The following ASIC5 variants were observed in gnomAD, a reference collection of about 807,000 sequenced individuals.
ASIC5 encodes the protein bile acid-sensitive ion channel.
In ASIC5, 52 loss-of-function variants were observed where a neutral mutation model predicts 51.2. The ratio of observed to expected loss-of-function variants is 1.02; its 90% CI spans 0.81 to 1.28. The LOEUF is 1.28. Ranked by LOEUF, ASIC5 falls within the 50% of genes most tolerant of loss-of-function variation. ASIC5 has a pLI of 0.00. For missense variants in ASIC5, 635 were observed against 595.0 expected (o/e 1.07, Z -0.70); for synonymous variants, 231 against 200.7 (o/e 1.15, Z -1.28).
intron 4 of ASIC5, among the ~76,000 whole-genome samples, chr4:155,847,304 T>C (rs915152049): frequency 3.9e-5 from 6 of 152,132 alleles, no homozygotes; most frequent in African/African-American, 9.6e-5. Context: ...AAAGTCCTTG[T>C]GACATTAAGT....
At chr4:155,848,752 G>A (rs1374294204) in intron 4 of ASIC5, among the ~76,000 whole-genome samples, 1 of 152,038 alleles carries the variant, frequency 6.6e-6, no homozygotes, top group African/African-American at 2.4e-5. Flanking sequence ...CAGAAAAGAG[G>A]AAAAACTTTC....
intron 2 of ASIC5, among the ~76,000 whole-genome samples, chr4:155,863,035 T>C (rs1741753960): frequency 6.6e-6 from 1 of 152,150 alleles, no homozygotes; most frequent in African/African-American, 2.4e-5. Flanking sequence ...GAACTTCTAA[T>C]ATGCAGGGAT....
At chr4:155,856,812 A>C (rs1162028342) in intron 2 of ASIC5, among the ~76,000 whole-genome samples, 1 of 152,056 alleles carries the variant, frequency 6.6e-6, no homozygotes, top group Non-Finnish European at 1.5e-5. Context: ...GAAATCCTGC[A>C]CAGTCAGAGC....
At chr4:155,840,558 A>C (rs1381493885) in intron 6 of ASIC5, among the ~76,000 whole-genome samples, 1 of 150,916 alleles carries the variant, frequency 6.6e-6, no homozygotes, top group African/African-American at 2.4e-5. Flanking sequence ...AACTGACTCC[A>C]TCTTGTTTCT....
chr4:155,861,632 G>A (rs1219535804), intron 2 of ASIC5, among the ~76,000 whole-genome samples: 1 of 151,874 alleles, frequency 6.6e-6, no homozygotes, highest in African/African-American at 2.4e-5. Flanking sequence ...GATAACCTTT[G>A]CCTTTCAATT....
At chr4:155,858,487 T>G (rs970842936) in intron 2 of ASIC5, among the ~76,000 whole-genome samples, 6 of 152,242 alleles carry the variant, frequency 3.9e-5, no homozygotes, top group African/African-American at 1.4e-4. Context: ...TACAATGCTA[T>G]TATTCATTTC....
intron 2 of ASIC5, among the ~76,000 whole-genome samples, chr4:155,862,663 C>T (rs1166777141): frequency 1.3e-5 from 2 of 152,112 alleles, no homozygotes; most frequent in African/African-American, 2.4e-5. Context: ...GGACTCAAGA[C>T]ACTGGCAGTA....
At position 155,842,351 on chromosome 4, in the gene ASIC5, C is replaced by T; in HGVS notation, c.865G>A (p.Val289Ile). Residue 289 changes from valine (V) to isoleucine (I), a missense_variant, in exon 6 of 10, where the codon GTT becomes ATT. By Grantham distance (29) the Val-to-Ile change is conservative (BLOSUM62 3). Coordinates refer to ENST00000537611, the MANE Select transcript of ASIC5 (RefSeq NM_017419.3). Reference sequence around the variant, plus strand: ...TCTCCCCAAGGGTATTCTTGATGAACTGTCTTAAGATAAGATAAATACTGG... The same window carrying T: ...TCTCCCCAAGGGTATTCTTGATGAATTGTCTTAAGATAAGATAAATACTGG... ...ARVTIRQVKT[V>I]HQEYPWGECN... 1 of 1,611,756 alleles carries T rather than the reference C, an allele frequency of 6.2e-7. No individual in the cohort carries two copies. The highest frequency in any genetic ancestry group is 2.2e-5 in the East Asian group (1 of 44,774).
chr4:155,850,738 TTG>T (rs1253345527), intron 4 of ASIC5, among the ~76,000 whole-genome samples: 1 of 152,050 alleles, frequency 6.6e-6, no homozygotes, highest in Non-Finnish European at 1.5e-5. Flanking sequence ...CCTCTTCATT[TTG>T]CAATTAAAAT....
At position 155,842,860 on chromosome 4, in the gene ASIC5, G is replaced by GA. The variant is rs1402862726; in HGVS notation, c.862-507dup. ...GAAAATGGAATTTATTGGGTGAAAA[G>GA]AAAAAAAGAAAAATGACTCTCAGCT... On this transcript the variant is annotated intron_variant, in intron 5 of 9. Coordinates refer to ENST00000537611, the MANE Select transcript of ASIC5 (RefSeq NM_017419.3). Among the ~76,000 whole-genome samples the GA allele has an allele frequency of 3.9e-5, 6 of 151,930 alleles. No individual in the cohort carries two copies. The East Asian group carries it at 1.2e-3, about 30-fold the overall frequency.
chr4:155,834,070 T>G (rs1247456371), intron 8 of ASIC5, among the ~76,000 whole-genome samples: 1 of 152,218 alleles, frequency 6.6e-6, no homozygotes, highest in Non-Finnish European at 1.5e-5. Flanking sequence ...ATTTCAAAAT[T>G]TGTTAAGTTA....
chr4:155,838,208 C>T (rs931891188), intron 7 of ASIC5, among the ~76,000 whole-genome samples: 1 of 152,058 alleles, frequency 6.6e-6, no homozygotes, highest in Non-Finnish European at 1.5e-5. Context: ...CAACCAATGA[C>T]TTCACGTGAT....
chr4:155,840,210 A>G (rs79152179), intron 6 of ASIC5, among the ~76,000 whole-genome samples: 12,775 of 151,952 alleles, frequency 0.084, 595 homozygotes, highest in Admixed American at 0.14. Flanking sequence ...TTCTGCATGA[A>G]ACAATTCAGA....
intron 4 of ASIC5, among the ~76,000 whole-genome samples, chr4:155,848,409 G>A (rs528702014): frequency 2.8e-4 from 43 of 152,140 alleles, no homozygotes; most frequent in African/African-American, 9.6e-4. Flanking sequence ...TGTCAAATAT[G>A]AAATGGTGTT....
chr4:155,846,223 T>A (rs1467492213), intron 4 of ASIC5, among the ~76,000 whole-genome samples: 3 of 152,138 alleles, frequency 2.0e-5, no homozygotes, highest in Non-Finnish European at 1.5e-5. Flanking sequence ...GTCTTAAGAA[T>A]TGCCAGCATA....
At chr4:155,834,979 CT>C (rs897104627) in intron 8 of ASIC5, among the ~76,000 whole-genome samples, 1 of 152,116 alleles carries the variant, frequency 6.6e-6, no homozygotes, top group Non-Finnish European at 1.5e-5. Context: ...TCCATACCCC[CT>C]TCTGGCTCCT....
intron 7 of ASIC5, among the ~76,000 whole-genome samples, chr4:155,837,830 T>C (rs1741021386): frequency 6.6e-6 from 1 of 151,764 alleles, no homozygotes; most frequent in Non-Finnish European, 1.5e-5. Flanking sequence ...CTCATGTACA[T>C]AATACTCTCT....
Position 155,866,262 on chromosome 4 carries a change from C to G in ASIC5, c.-36G>C, listed in dbSNP as rs1741861504. ...AGTTAAGCAAGAGTCCTCAGGGTAA[C>G]CCAATTTTCATCAATAACAGTATTC... On this transcript the variant is annotated 5_prime_UTR_variant, in exon 1 of 10. Coordinates refer to ENST00000537611, the MANE Select transcript of ASIC5 (RefSeq NM_017419.3). 6 of 1,544,560 alleles carry G rather than the reference C, an allele frequency of 3.9e-6. No homozygotes were observed. The Admixed American group carries it at 6.9e-5, about 18-fold the overall frequency.
chr4:155,846,491 G>C (rs1460280339), intron 4 of ASIC5, among the ~76,000 whole-genome samples: 1 of 152,092 alleles, frequency 6.6e-6, no homozygotes, highest in Non-Finnish European at 1.5e-5. Flanking sequence ...AAGGAGGTTT[G>C]TTTGGGAAAG....
Sources: gnomAD v4.1 joint callset for allele counts (sites outside exome capture counted in the v4.1 genomes callset) on GRCh38, gnomAD v4.1.1 for gene constraint, MANE v1.5 for transcripts, NCBI Gene and HGNC (gene_info 2026-07-23, HGNC 2026-07-21) for gene names.